Variants in CACNA2D3 observed in about 807,000 individuals in gnomAD.
The protein encoded by CACNA2D3 is calcium voltage-gated channel auxiliary subunit alpha2delta 3, also known as voltage-dependent calcium channel subunit alpha-2/delta-3.
A neutral mutation model predicts 160.6 loss-of-function variants in CACNA2D3; 60 were observed. That is an observed-to-expected ratio of 0.37 (90% CI 0.30 to 0.46). The LOEUF is 0.46. Ranked by LOEUF, CACNA2D3 falls within the 20% of genes least tolerant of loss-of-function variation. The pLI is 1.00. For missense variants in CACNA2D3, 1,205 were observed against 1,365.0 expected, an observed-to-expected ratio of 0.88 and a Z score of 1.85; for synonymous variants, 558 against 492.9, an observed-to-expected ratio of 1.13 and a Z score of -1.75.
At chr3:54,694,525 G>T (rs774760093) in intron 11 of CACNA2D3, among the ~76,000 whole-genome samples, 5 of 152,172 alleles carry the variant, frequency 3.3e-5, no homozygotes, top group African/African-American at 7.2e-5. Context: ...TGTCCTAGAT[G>T]GGCTGCTCTG....
In CACNA2D3 at chr3:54,791,853, A is replaced by T. The variant is rs192934593; in HGVS notation, c.1381-25000A>T. On this transcript the variant is annotated intron_variant, in intron 13 of 37. Coordinates refer to ENST00000474759, the MANE Select transcript of CACNA2D3 (RefSeq NM_018398.3). Reference sequence around the variant, plus strand: ...TTTACTCTGATGGATAGTCAGTACAAACATAAGTTTGTTTCCTGGCAAGCA... The same window carrying T: ...TTTACTCTGATGGATAGTCAGTACATACATAAGTTTGTTTCCTGGCAAGCA... 1.3e-3 allele frequency among the ~76,000 whole-genome samples: 199 copies of T among 152,342 alleles called. 1 individual carries two copies. Among genetic ancestry groups the T allele is most frequent in the African/African-American group, 4.4e-3 (185 of 41,590 alleles).
intron 31 of CACNA2D3, among the ~76,000 whole-genome samples, chr3:54,991,670 C>T (rs962204354): frequency 6.6e-6 from 1 of 152,094 alleles, no homozygotes; most frequent in Non-Finnish European, 1.5e-5. Context: ...TTCAAGGTTC[C>T]TGACGGGGCC....
At chr3:54,559,455 G>A (rs367613244) in intron 5 of CACNA2D3, among the ~76,000 whole-genome samples, 8 of 152,014 alleles carry the variant, frequency 5.3e-5, no homozygotes, top group Non-Finnish European at 1.2e-4. Flanking sequence ...ACCACGCCCA[G>A]CTAGTTTTTC....
chr3:54,752,733 T>C (rs1350614369), intron 12 of CACNA2D3, 56 bp downstream of exon 12: 1 of 1,255,242 alleles, frequency 8.0e-7, no homozygotes, highest in Non-Finnish European at 1.2e-6. Flanking sequence ...TGTGCAGAAT[T>C]AGGAATATTC....
At chr3:54,131,870 G>A (rs1008505514) in intron 2 of CACNA2D3, among the ~76,000 whole-genome samples, 2 of 152,184 alleles carry the variant, frequency 1.3e-5, no homozygotes, top group African/African-American at 2.4e-5. Context: ...TATAATTTGC[G>A]AAGCAAGGTG....
intron 2 of CACNA2D3, among the ~76,000 whole-genome samples, chr3:54,288,364 C>A (rs1001549477): frequency 6.6e-6 from 1 of 152,194 alleles, no homozygotes; most frequent in African/African-American, 2.4e-5. Context: ...CCTCCCAAGA[C>A]TAAACCAGGA....
intron 25 of CACNA2D3, among the ~76,000 whole-genome samples, chr3:54,895,117 G>C (rs929247693): frequency 1.3e-5 from 2 of 152,148 alleles, no homozygotes; most frequent in African/African-American, 4.8e-5. Context: ...AGTTCTAGTA[G>C]CACAAAATTT....
chr3:54,689,012 G>GAGAA (rs1700520925), intron 11 of CACNA2D3, among the ~76,000 whole-genome samples: 1 of 56,822 alleles, frequency 1.8e-5, no homozygotes, highest in Non-Finnish European at 3.5e-5. Context: ...AAAAAAAAAA[G>GAGAA]AATGAGGTTG....
intron 2 of CACNA2D3, among the ~76,000 whole-genome samples, chr3:54,195,027 G>T (rs905038135): frequency 1.3e-5 from 2 of 152,188 alleles, no homozygotes; most frequent in Non-Finnish European, 2.9e-5. Context: ...ATCCAACGTG[G>T]TCACTCCCAT....
chr3:54,569,201 AG>A (rs1434946792), intron 6 of CACNA2D3, among the ~76,000 whole-genome samples: 1 of 152,232 alleles, frequency 6.6e-6, no homozygotes, highest in Admixed American at 6.5e-5. Flanking sequence ...AAAACTCCCC[AG>A]GCTTCAGGAG....
chr3:54,300,804 C>A (rs1227407813), intron 2 of CACNA2D3, among the ~76,000 whole-genome samples: 5 of 151,996 alleles, frequency 3.3e-5, no homozygotes, highest in African/African-American at 7.2e-5. Context: ...CACTTGAGGC[C>A]ACACGTTCAA....
chr3:54,571,603 A>T (rs1702497717), intron 8 of CACNA2D3, among the ~76,000 whole-genome samples: 1 of 143,262 alleles, frequency 7.0e-6, no homozygotes, highest in Non-Finnish European at 1.5e-5. Context: ...GTCCTTGAGC[A>T]CTTAACCAAG....
intron 31 of CACNA2D3, among the ~76,000 whole-genome samples, chr3:54,997,533 A>C (rs1457096908): frequency 6.6e-6 from 1 of 151,876 alleles, no homozygotes; most frequent in Non-Finnish European, 1.5e-5. Flanking sequence ...CCAGCACGTG[A>C]AACCTCATCT....
intron 21 of CACNA2D3, among the ~76,000 whole-genome samples, chr3:54,882,454 G>A (rs1201639390): frequency 6.6e-6 from 1 of 152,034 alleles, no homozygotes; most frequent in Admixed American, 6.6e-5. Flanking sequence ...ATTGTCTTTT[G>A]GATTCTTTTT....
chr3:54,335,512 C>T (rs1215915172), intron 3 of CACNA2D3, among the ~76,000 whole-genome samples: 3 of 152,174 alleles, frequency 2.0e-5, no homozygotes, highest in South Asian at 2.1e-4. Context: ...GCAGTGAAGA[C>T]GACCAGAGGT....
At chr3:54,878,138 G>GT (rs1375937534) in intron 18 of CACNA2D3, among the ~76,000 whole-genome samples, 3 of 152,104 alleles carry the variant, frequency 2.0e-5, no homozygotes, top group Non-Finnish European at 4.4e-5. Context: ...TAGTGTTGCA[G>GT]TTTTCTATCG....
intron 27 of CACNA2D3, chr3:54,918,724 G>A (rs748028807): frequency 6.2e-7 from 1 of 1,614,114 alleles, no homozygotes; most frequent in South Asian, 1.1e-5. Flanking sequence ...GTGGTTCTCA[G>A]GAGGCCTCAG....
At chr3:54,546,146 G>A (rs182078971) in intron 5 of CACNA2D3, among the ~76,000 whole-genome samples, 34 of 152,308 alleles carry the variant, frequency 2.2e-4, no homozygotes, top group Admixed American at 1.6e-3. Context: ...ACAGGGGTCG[G>A]GGGAAGGGCC....
chr3:54,478,130 A>C (rs1700862111), intron 4 of CACNA2D3, among the ~76,000 whole-genome samples: 1 of 152,108 alleles, frequency 6.6e-6, no homozygotes, highest in Admixed American at 6.6e-5. Flanking sequence ...GGCTCATGAT[A>C]CAAGTTTTCC....
Sources: allele counts gnomAD v4.1 joint callset (sites outside exome capture counted in the v4.1 genomes callset), GRCh38; gene constraint gnomAD v4.1.1; transcripts MANE v1.5; gene names NCBI Gene and HGNC (gene_info 2026-07-23, HGNC 2026-07-21).